The following CDX4 variants were observed in gnomAD, a reference collection of about 807,000 sequenced individuals.
CDX4 encodes caudal type homeobox 4, also known as homeobox protein CDX-4.
In CDX4, 11 loss-of-function variants were observed where a neutral mutation model predicts 14.1. That is an observed-to-expected ratio of 0.78 (90% CI 0.49 to 1.29). The LOEUF (loss-of-function observed/expected upper bound fraction) is 1.29, where lower values mean the gene tolerates loss of function less well. CDX4 is among the 50% of genes most tolerant of loss of function. The pLI is 0.00. For synonymous variants in CDX4, 100 were observed against 93.5 expected, an observed-to-expected ratio of 1.07 and a Z score of -0.40; for missense variants, 257 against 237.4, an observed-to-expected ratio of 1.08 and a Z score of -0.54.
chrX:73,450,872 C>T (rs1251093370), intron 1 of CDX4, among the ~76,000 whole-genome samples: 1 of 111,459 alleles, frequency 9.0e-6, no homozygotes, highest in East Asian at 2.8e-4. Context: ...TGCCTAGCAG[C>T]ACTTTTGCAG....
chrX:73,447,337 G>A lies in CDX4; in HGVS notation c.84G>A (p.Gly28=), dbSNP rs886601996. The A allele has an allele frequency of 1.7e-6, 2 of 1,209,248 alleles. No homozygotes were observed. The highest frequency in any genetic ancestry group is 1.8e-5 in the African/African-American group (1 of 56,980). ...LMSPGGDGTA[G]TGGTGGGGSP... ...GCCCTGGGGGCGACGGCACAGCTGG[G>A]ACAGGCGGCACAGGGGGCGGTGGGA... Residue 28 remains glycine, a synonymous_variant, in exon 1 of 3, where the codon GGG becomes GGA. Transcript: ENST00000373514.
intron 1 of CDX4, among the ~76,000 whole-genome samples, chrX:73,448,064 A>G (rs1471811256): frequency 8.9e-6 from 1 of 112,300 alleles, no homozygotes; most frequent in Non-Finnish European, 1.9e-5. Context: ...GCAACCCTGT[A>G]GTTGCCCACA....
intron 1 of CDX4, among the ~76,000 whole-genome samples, chrX:73,451,466 T>G (rs1018120114): frequency 9.0e-6 from 1 of 111,715 alleles, no homozygotes; most frequent in Non-Finnish European, 1.9e-5. Context: ...CAACAGACTC[T>G]TTTTAACACT....
At chrX:73,453,183 T>A (rs1253182324) in intron 1 of CDX4, among the ~76,000 whole-genome samples, 1 of 111,499 alleles carries the variant, frequency 9.0e-6, no homozygotes, top group African/African-American at 3.3e-5. Flanking sequence ...TGCTCTGCTG[T>A]GAAAATAGGT....
At chrX:73,448,683 C>T (rs1406238985) in intron 1 of CDX4, among the ~76,000 whole-genome samples, 1 of 112,269 alleles carries the variant, frequency 8.9e-6, no homozygotes, top group Non-Finnish European at 1.9e-5. Context: ...GGGAAGTGGC[C>T]GTTCCACTTT....
In CDX4 at chrX:73,453,548, A is replaced by G; in HGVS notation, c.534A>G (p.Val178=). The change falls in exon 2 of 3, where the codon GTA becomes GTG. Residue 178 remains valine, a synonymous_variant. Coordinates refer to ENST00000373514, the MANE Select transcript of CDX4 (RefSeq NM_005193.2). The part of the protein sequence containing the change: ...GKTRTKEKYR[V]VYTDHQRLEL... ...CCAGGACAAAAGAAAAGTATCGTGT[A>G]GTTTACACTGATCATCAAAGATTGG... is the stretch of plus-strand genomic sequence containing the variant. 6 of 1,202,800 alleles carry G rather than the reference A, an allele frequency of 5.0e-6. No homozygotes were observed. The highest frequency in any genetic ancestry group is 6.8e-6 in the Non-Finnish European group (6 of 888,767).
chrX:73,447,336 G>T lies in CDX4; in HGVS notation c.83G>T (p.Gly28Val), dbSNP rs150836467. The change falls in exon 1 of 3, where the codon GGG becomes GTG. Residue 28 changes from glycine to valine, a missense_variant. By Grantham distance (109) the Gly-to-Val change is moderately radical. Transcript: ENST00000373514. ...LMSPGGDGTAGTGGTGGGGSP... is the reference protein window; with the variant it reads ...LMSPGGDGTAVTGGTGGGGSP... ...AGCCCTGGGGGCGACGGCACAGCTG[G>T]GACAGGCGGCACAGGGGGCGGTGGG... The T allele has an allele frequency of 6.0e-5, 72 of 1,209,291 alleles. No individual in the cohort carries two copies. Among genetic ancestry groups the T allele is most frequent in the Non-Finnish European group, 7.8e-5 (70 of 894,964 alleles).
chrX:73,447,171 A>G lies in CDX4; in HGVS notation c.-83A>G. ...GGCACAACTACGTACTGATAAGTTT[A>G]TTCTCTGCTGCTTCTCAAAGTCGAG... On this transcript the variant is annotated 5_prime_UTR_variant, in exon 1 of 3. Coordinates refer to ENST00000373514, the MANE Select transcript of CDX4 (RefSeq NM_005193.2). 1 of 1,062,760 alleles carries G rather than the reference A, an allele frequency of 9.4e-7. No homozygotes were observed. Among genetic ancestry groups the G allele is most frequent in the South Asian group, 2.1e-5 (1 of 47,066 alleles). The allele number at this position is 1,062,760 out of a possible 1,213,427, so 87.6% of individuals were successfully genotyped here.
chrX:73,450,832 C>G (rs2057084715), intron 1 of CDX4, among the ~76,000 whole-genome samples: 1 of 111,861 alleles, frequency 8.9e-6, no homozygotes, highest in South Asian at 3.7e-4. Flanking sequence ...CTCCCATCAT[C>G]ATCACCTCTA....
chrX:73,448,037 G>A, intron 1 of CDX4, among the ~76,000 whole-genome samples: 1 of 112,399 alleles, frequency 8.9e-6, no homozygotes, highest in Middle Eastern at 4.6e-3. Context: ...GGTATGTTAA[G>A]CCACAAGGAT....
At chrX:73,453,434 G>T in intron 1 of CDX4, 83 bp from the exon 2 acceptor site, 1 of 758,401 alleles carries the variant, frequency 1.3e-6, no homozygotes, top group Non-Finnish European at 1.9e-6. Flanking sequence ...GATGAGGGTG[G>T]GAAGAGTGTC....
At chrX:73,448,058 C>A (rs1038859768) in intron 1 of CDX4, among the ~76,000 whole-genome samples, 2 of 112,201 alleles carry the variant, frequency 1.8e-5, no homozygotes, top group South Asian at 7.4e-4. Context: ...CAGGATGCAA[C>A]CCTGTAGTTG....
intron 1 of CDX4, 50 bp downstream of exon 1, chrX:73,447,805 C>T (rs1457218159): frequency 1.8e-6 from 2 of 1,130,734 alleles, no homozygotes; most frequent in Admixed American, 2.6e-5. Flanking sequence ...TTCCCTTCTC[C>T]GCTACTTCTC....
chrX:73,450,509 G>A (rs982868850), intron 1 of CDX4, among the ~76,000 whole-genome samples: 3 of 111,838 alleles, frequency 2.7e-5, no homozygotes, highest in Non-Finnish European at 3.8e-5. Flanking sequence ...GAGGGGGAGA[G>A]CAGGAAGTAA....
At position 73,454,360 on chromosome X, in the gene CDX4, T is replaced by G; in HGVS notation, c.649-19T>G. 8.9e-7 allele frequency: 1 copy of G among 1,118,131 alleles called. No individual in the cohort carries two copies. Among genetic ancestry groups the G allele is most frequent in the Admixed American group, 2.2e-5 (1 of 45,137 alleles). 92.1% of individuals were successfully genotyped at this position (1,118,131 alleles called of 1,213,427 possible). ...CACTAAGTTAACTGCATTCAGTATGTTGCCCCATTGTGTTTCAGGTGAAAA... is the reference window on the plus strand; with the variant it reads ...CACTAAGTTAACTGCATTCAGTATGGTGCCCCATTGTGTTTCAGGTGAAAA... On this transcript the variant is annotated intron_variant, in intron 2 of 2. Transcript: ENST00000373514.
chrX:73,447,325 C>A lies in CDX4; in HGVS notation c.72C>A (p.Asp24Glu). ...YPGTLMSPGG[D>E]GTAGTGGTGG... ...GCACTCTCATGAGCCCTGGGGGCGACGGCACAGCTGGGACAGGCGGCACAG... is the reference window on the plus strand; with the variant it reads ...GCACTCTCATGAGCCCTGGGGGCGAAGGCACAGCTGGGACAGGCGGCACAG... The change falls in exon 1 of 3, where the codon GAC becomes GAA. Residue 24 changes from aspartate (D) to glutamate (E), a missense_variant. Coordinates refer to ENST00000373514, the MANE Select transcript of CDX4 (RefSeq NM_005193.2). 1 of 1,210,978 alleles carries A rather than the reference C, an allele frequency of 8.3e-7. No individual in the cohort carries two copies. The highest frequency in any genetic ancestry group is 1.1e-6 in the Non-Finnish European group (1 of 895,021).
intron 1 of CDX4, among the ~76,000 whole-genome samples, chrX:73,449,468 G>T (rs1380187423): frequency 9.0e-6 from 1 of 111,551 alleles, no homozygotes; most frequent in Non-Finnish European, 1.9e-5. Flanking sequence ...TGCCAGGAAA[G>T]GTTTCGAAAC....
chrX:73,454,465 G>T lies in CDX4; in HGVS notation c.735G>T (p.Ser245=). 8.4e-7 allele frequency: 1 copy of T among 1,193,788 alleles called. No homozygotes were observed. Among genetic ancestry groups the T allele is most frequent in the African/African-American group, 1.8e-5 (1 of 54,850 alleles). The part of the protein sequence containing the change: ...KISQFENSGG[S]VQSDSDSISP... ...CCCAGTTTGAGAATAGTGGAGGCTC[G>T]GTGCAAAGTGACTCTGACTCCATCA... Residue 245 remains serine, a synonymous_variant, in exon 3 of 3, where the codon TCG becomes TCT. Transcript: ENST00000373514.
At position 73,447,138 on chromosome X, in the gene CDX4, G is replaced by C; in HGVS notation, c.-116G>C. 1.2e-6 allele frequency: 1 copy of C among 866,096 alleles called. No individual in the cohort carries two copies. The highest frequency in any genetic ancestry group is 1.6e-6 in the Non-Finnish European group (1 of 617,127). The allele number at this position is 866,096 out of a possible 1,213,427, so 71.4% of individuals were successfully genotyped here. On this transcript the variant is annotated 5_prime_UTR_variant, in exon 1 of 3. Transcript: ENST00000373514. The stretch of plus-strand genomic sequence containing the variant: ...ATGGAGTAGCCTGAGGGGTGCAAAA[G>C]AGCTTGCGGCACAACTACGTACTGA...
Sources: gnomAD v4.1 joint callset for allele counts (sites outside exome capture counted in the v4.1 genomes callset) on GRCh38, gnomAD v4.1.1 for gene constraint, MANE v1.5 for transcripts, NCBI Gene and HGNC (gene_info 2026-07-23, HGNC 2026-07-21) for gene names.